FBXL17: variants seen among roughly 807,000 people sequenced by gnomAD.
FBXL17 encodes F-box/LRR-repeat protein 17.
Under a neutral mutation model 66.2 loss-of-function variants are expected in FBXL17, and 22 were observed. The observed-to-expected ratio is 0.33, with a 90% CI of 0.24 to 0.47. FBXL17 has a LOEUF of 0.47. FBXL17 is among the 20% of genes least tolerant of loss of function. FBXL17 has a pLI of 1.00. For missense variants in FBXL17, 878 were observed against 948.2 expected (o/e 0.93, Z 0.97); for synonymous variants, 474 against 400.5 (o/e 1.18, Z -2.19).
intron 6 of FBXL17, among the ~76,000 whole-genome samples, chr5:108,170,735 T>C (rs866750976): frequency 8.5e-5 from 13 of 152,148 alleles, no homozygotes; most frequent in African/African-American, 2.9e-4. Flanking sequence ...GGTTTCACCA[T>C]GTTGGCCAGG....
At chr5:108,021,430 T>A (rs573799005) in intron 6 of FBXL17, among the ~76,000 whole-genome samples, 33 of 151,096 alleles carry the variant, frequency 2.2e-4, no homozygotes, top group African/African-American at 5.6e-4. Context: ...TGAAATAGTA[T>A]TTTTTGCAAA....
intron 5 of FBXL17, among the ~76,000 whole-genome samples, chr5:108,189,824 A>G (rs1753396593): frequency 6.6e-6 from 1 of 152,130 alleles, no homozygotes; most frequent in African/African-American, 2.4e-5. Flanking sequence ...AGACTATGAG[A>G]GCCTTCTGGG....
chr5:108,298,905 T>C (rs1758460234), intron 4 of FBXL17: 1 of 938,514 alleles, frequency 1.1e-6, no homozygotes, highest in Non-Finnish European at 1.3e-6. Context: ...CATATCCACA[T>C]TAAAAGTATA....
chr5:107,954,354 T>C (rs962820092), intron 7 of FBXL17, among the ~76,000 whole-genome samples: 12 of 152,194 alleles, frequency 7.9e-5, no homozygotes, highest in Non-Finnish European at 1.8e-4. Context: ...ACAAAAATAA[T>C]TTAAAATAGC....
chr5:108,010,244 T>G (rs1411421843), intron 7 of FBXL17, among the ~76,000 whole-genome samples: 1 of 152,212 alleles, frequency 6.6e-6, no homozygotes. Context: ...AGGTCCATTT[T>G]CAATACTTAA....
intron 4 of FBXL17, among the ~76,000 whole-genome samples, chr5:108,319,392 A>G (rs1038595665): frequency 2.6e-5 from 4 of 151,892 alleles, no homozygotes; most frequent in African/African-American, 4.8e-5. Flanking sequence ...TTTGGTTGGG[A>G]CAAGTAACTA....
At chr5:108,079,156 C>CT (rs200371861) in intron 6 of FBXL17, among the ~76,000 whole-genome samples, 18,847 of 139,666 alleles carry the variant, frequency 0.13, 1,572 homozygotes, top group South Asian at 0.43. Context: ...ACCTCTCTTT[C>CT]TTTTTTTTTT....
At chr5:108,122,466 A>G (rs969007843) in intron 6 of FBXL17, among the ~76,000 whole-genome samples, 6 of 152,232 alleles carry the variant, frequency 3.9e-5, no homozygotes, top group African/African-American at 1.4e-4. Context: ...ATAATTTACA[A>G]TCTTTTAATA....
At chr5:107,997,904 GAC>G (rs1753545118) in intron 7 of FBXL17, among the ~76,000 whole-genome samples, 1 of 152,172 alleles carries the variant, frequency 6.6e-6, no homozygotes, top group Non-Finnish European at 1.5e-5. Context: ...AGTCCACACT[GAC>G]AGCCATTTTC....
chr5:108,142,944 T>C (rs1437059601), intron 6 of FBXL17, among the ~76,000 whole-genome samples: 1 of 147,334 alleles, frequency 6.8e-6, no homozygotes, highest in Non-Finnish European at 1.5e-5. Flanking sequence ...GTAACAAACC[T>C]GCACGTTCTG....
chr5:108,047,666 C>T (rs528337865), intron 6 of FBXL17, among the ~76,000 whole-genome samples: 1 of 152,286 alleles, frequency 6.6e-6, no homozygotes, highest in East Asian at 1.9e-4. Flanking sequence ...AACACACCGG[C>T]TGTGGCATAC....
At chr5:108,192,559 T>G (rs145618999) in intron 5 of FBXL17, among the ~76,000 whole-genome samples, 2 of 152,202 alleles carry the variant, frequency 1.3e-5, no homozygotes, top group African/African-American at 4.8e-5. Context: ...CTTGGTGGAT[T>G]ATCGAAAGAC....
At chr5:108,161,409 C>G (rs1752213075) in intron 6 of FBXL17, among the ~76,000 whole-genome samples, 2 of 152,170 alleles carry the variant, frequency 1.3e-5, no homozygotes, top group South Asian at 2.1e-4. Flanking sequence ...TTGCTTGAAC[C>G]CGGGAGGCGG....
chr5:108,261,112 G>C (rs2150125746), intron 4 of FBXL17, among the ~76,000 whole-genome samples: 1 of 152,086 alleles, frequency 6.6e-6, no homozygotes, highest in South Asian at 2.1e-4. Flanking sequence ...TACAGTTATA[G>C]GATAAATTGT....
chr5:107,984,794 A>G (rs953432708), intron 7 of FBXL17, among the ~76,000 whole-genome samples: 2 of 152,344 alleles, frequency 1.3e-5, no homozygotes, highest in Non-Finnish European at 2.9e-5. Flanking sequence ...AATACTGAGA[A>G]TACTAGAAAA....
At chr5:107,862,827 G>A (rs1033851002) in intron 8 of FBXL17, among the ~76,000 whole-genome samples, 1 of 141,854 alleles carries the variant, frequency 7.0e-6, no homozygotes, top group Non-Finnish European at 1.6e-5. Flanking sequence ...TCAAACCCTT[G>A]CTGTTTGCTT....
intron 7 of FBXL17, among the ~76,000 whole-genome samples, chr5:107,998,326 G>T (rs1477279039): frequency 6.6e-6 from 1 of 152,110 alleles, no homozygotes; most frequent in Non-Finnish European, 1.5e-5. Context: ...AAGAATGAAA[G>T]ACATTTTAGG....
At chr5:108,064,186 A>T (rs1748030447) in intron 6 of FBXL17, among the ~76,000 whole-genome samples, 1 of 152,110 alleles carries the variant, frequency 6.6e-6, no homozygotes, top group Non-Finnish European at 1.5e-5. Context: ...AGGCACACCT[A>T]TATTTATGTC....
chr5:108,088,792 A>G (rs1749076550), intron 6 of FBXL17, among the ~76,000 whole-genome samples: 1 of 148,114 alleles, frequency 6.8e-6, no homozygotes, highest in East Asian at 2.1e-4. Flanking sequence ...TCTATTAGCA[A>G]TCTCTGGTGT....
Sources: gnomAD v4.1 joint callset for allele counts (sites outside exome capture counted in the v4.1 genomes callset) on GRCh38, gnomAD v4.1.1 for gene constraint, MANE v1.5 for transcripts, NCBI Gene and HGNC (gene_info 2026-07-23, HGNC 2026-07-21) for gene names.